Variants in SEC31B observed in about 807,000 individuals in gnomAD.
SEC31B encodes protein transport protein Sec31B.
In SEC31B, 113 loss-of-function variants were observed where a neutral mutation model predicts 135.0. That is an observed-to-expected ratio of 0.84 (90% CI 0.72 to 0.98). The LOEUF (loss-of-function observed/expected upper bound fraction) is 0.98, where lower values mean the gene tolerates loss of function less well. Among genes scored for constraint, SEC31B ranks in the 50% least tolerant of loss-of-function variants. The probability of loss-of-function intolerance (pLI) is 0.00; values close to 1 mark genes in which losing one functional copy is unlikely to be tolerated. For synonymous variants in SEC31B, 508 were observed against 549.4 expected, an observed-to-expected ratio of 0.92 and a Z score of 1.05; for missense variants, 1,296 against 1,421.1, an observed-to-expected ratio of 0.91 and a Z score of 1.42.
intron 3 of SEC31B, among the ~76,000 whole-genome samples, chr10:100,513,529 C>T (rs1851771709): frequency 6.6e-6 from 1 of 151,898 alleles, no homozygotes; most frequent in Admixed American, 6.6e-5. Flanking sequence ...TGCAGTGGTA[C>T]CATCTTGTTG....
rs369775036 is a variant in SEC31B at position 100,490,127 on chromosome 10, C to T, written c.2846G>A (p.Arg949His). 1.3e-5 allele frequency: 20 copies of T among 1,588,998 alleles called. No homozygotes were observed. The highest frequency in any genetic ancestry group is 1.8e-5 in the Admixed American group (1 of 56,448). Reference sequence around the variant, plus strand: ...AGGGGCTGGGGTGTGGGAGACCATGCGGCCGGGACCTAGTGGTCTCAGAGG... The same window carrying T: ...AGGGGCTGGGGTGTGGGAGACCATGTGGCCGGGACCTAGTGGTCTCAGAGG... Reference protein sequence around the residue: ...LLPLRPLGPGRMVSHTPAPPA... With the variant: ...LLPLRPLGPGHMVSHTPAPPA... Residue 949 changes from arginine (R) to histidine (H), a missense_variant, in exon 21 of 26, where the codon CGC becomes CAC. Coordinates refer to ENST00000370345, the MANE Select transcript of SEC31B (RefSeq NM_015490.4).
intron 19 of SEC31B, among the ~76,000 whole-genome samples, chr10:100,492,705 G>A (rs1851323334): frequency 6.6e-6 from 1 of 152,040 alleles, no homozygotes; most frequent in Non-Finnish European, 1.5e-5. Flanking sequence ...AACTATTCAG[G>A]AAAGTCACAG....
At chr10:100,494,239 A>G (rs1851361394) in intron 19 of SEC31B, among the ~76,000 whole-genome samples, 1 of 151,956 alleles carries the variant, frequency 6.6e-6, no homozygotes, top group South Asian at 2.1e-4. Context: ...AACCACACAC[A>G]CACCTCTCCA....
At position 100,516,804 on chromosome 10, in the gene SEC31B, A is replaced by C. The variant is rs188118467; in HGVS notation, c.79+70T>G. 7.8e-6 allele frequency: 9 copies of C among 1,152,508 alleles called. No individual in the cohort carries two copies. In the Admixed American group the frequency reaches 1.6e-4, roughly 21 times the overall value. The allele number at this position is 1,152,508 out of a possible 1,614,324, so 71.4% of individuals were successfully genotyped here. On this transcript the variant is annotated intron_variant, in intron 2 of 25. Coordinates refer to ENST00000370345, the MANE Select transcript of SEC31B (RefSeq NM_015490.4). ...GAGCTTTCTCTGATGTTCAATAAAT[A>C]ATTCTAGATACTAAGTTTCCCCTCA...
rs376305013 is a variant in SEC31B at position 100,509,511 on chromosome 10, C to T, written c.204G>A (p.Arg68=). 1.8e-5 allele frequency: 29 copies of T among 1,606,550 alleles called. No individual in the cohort carries two copies. The African/African-American group carries it at 2.8e-4, about 16-fold the overall frequency. ...KHRGVLSALS[R]FHKLVWGSFG... is the part of the protein sequence containing the mutation. ...AGCTCCCCCAGACCAGCTTGTGAAA[C>T]CTATAAAGAGGAGGAACTGGCATCA... Residue 68 remains arginine, a splice_region_variant and synonymous_variant, in exon 4 of 26, where the codon AGG becomes AGA. Coordinates refer to ENST00000370345, the MANE Select transcript of SEC31B (RefSeq NM_015490.4).
At chr10:100,496,530 A>G (rs1286659737) in intron 17 of SEC31B, 99 bp from the exon 18 acceptor site, 1 of 1,290,210 alleles carries the variant, frequency 7.8e-7, no homozygotes, top group Non-Finnish European at 1.1e-6. Flanking sequence ...ATGGGTACAG[A>G]TGAGGGCACC....
intron 19 of SEC31B, among the ~76,000 whole-genome samples, chr10:100,494,447 A>G (rs1453826753): frequency 6.6e-6 from 1 of 152,196 alleles, no homozygotes; most frequent in African/African-American, 2.4e-5. Context: ...TGTCAAGTTT[A>G]AGTTCTTTAG....
chr10:100,500,400 C>T (rs1451896416), intron 11 of SEC31B, among the ~76,000 whole-genome samples: 1 of 152,080 alleles, frequency 6.6e-6, no homozygotes, highest in East Asian at 1.9e-4. Flanking sequence ...CTGCAACCTC[C>T]ACCCTCAGGG....
Position 100,495,443 on chromosome 10 carries a change from G to A in SEC31B, c.2414C>T (p.Ala805Val), listed in dbSNP as rs149324305. The A allele has an allele frequency of 8.3e-5, 134 of 1,613,864 alleles. No individual in the cohort carries two copies. The highest frequency in any genetic ancestry group is 1.0e-4 in the Non-Finnish European group (123 of 1,179,932). ...PFPFPRIVVG[A>V]TLHSKETSSY... is the part of the protein sequence containing the mutation. ...TGATGTCTCTTTAGAGTGGAGGGTA[G>A]CTCCCACAACAATCCGGGGGAAGGG... is the stretch of plus-strand genomic sequence containing the variant. Residue 805 changes from alanine (A) to valine (V), a missense_variant, in exon 19 of 26, where the codon GCT becomes GTT. Coordinates refer to ENST00000370345, the MANE Select transcript of SEC31B (RefSeq NM_015490.4).
rs752040681 is a variant in SEC31B, at chr10:100,516,200, T to A, written c.99A>T (p.Leu33=). 1.3e-5 allele frequency: 21 copies of A among 1,613,772 alleles called. No individual in the cohort carries two copies. The East Asian group carries it at 4.7e-4, about 36-fold the overall frequency. ...YLATGTSAQQ[L]DSSFSTNGTL... is the part of the protein sequence containing the mutation. ...TGCCATTTGTGCTGAAGGAGGAATCTAGCTGTTGGGCAGATGTTCCTAGGC... is the reference window on the plus strand; with the variant it reads ...TGCCATTTGTGCTGAAGGAGGAATCAAGCTGTTGGGCAGATGTTCCTAGGC... The change falls in exon 3 of 26, where the codon CTA becomes CTT. Residue 33 remains leucine, a synonymous_variant. Coordinates refer to ENST00000370345, the MANE Select transcript of SEC31B (RefSeq NM_015490.4).
Position 100,487,175 on chromosome 10 carries a change from G to GTGT in SEC31B, c.*440_*441insACA. 1.1e-5 allele frequency: 2 copies of GTGT among 182,526 alleles called. No individual in the cohort carries two copies. Among genetic ancestry groups the GTGT allele is most frequent in the Non-Finnish European group, 2.3e-5 (2 of 87,360 alleles). The allele number at this position is 182,526 out of a possible 1,614,324, so 11.3% of individuals were successfully genotyped here. Reference sequence around the variant, plus strand: ...ATACGGACCTGGAAATACCAAGTCAGAGGCAGGGAAAAGGTAAGGGCAGGC... The same window carrying GTGT: ...ATACGGACCTGGAAATACCAAGTCAGTGTAGGCAGGGAAAAGGTAAGGGCAGGC... On this transcript the variant is annotated 3_prime_UTR_variant, in exon 26 of 26. Coordinates refer to ENST00000370345, the MANE Select transcript of SEC31B (RefSeq NM_015490.4).
intron 10 of SEC31B, 134 bp from the exon 11 acceptor site, chr10:100,502,618 G>T: frequency 1.6e-6 from 1 of 629,506 alleles, no homozygotes; most frequent in Non-Finnish European, 2.7e-6. Context: ...AGTTCCTGGG[G>T]GGTGGAATAG....
intron 23 of SEC31B, 62 bp downstream of exon 23, chr10:100,489,190 G>T: frequency 6.5e-7 from 1 of 1,532,412 alleles, no homozygotes; most frequent in South Asian, 1.3e-5. Flanking sequence ...CATCTACCAT[G>T]ACCTGCACCC....
At chr10:100,512,471 C>CAATAAATAGATAAAT (rs1851754104) in intron 3 of SEC31B, among the ~76,000 whole-genome samples, 1 of 152,230 alleles carries the variant, frequency 6.6e-6, no homozygotes, top group East Asian at 1.9e-4. Flanking sequence ...TGACTGCATC[C>CAATAAATAGATAAAT]AGAGGCATTT....
In SEC31B at chr10:100,487,695, C is replaced by T. The variant is rs2133664896; in HGVS notation, c.3461G>A (p.Cys1154Tyr). 1.2e-6 allele frequency: 2 copies of T among 1,613,938 alleles called. No individual in the cohort carries two copies. The highest frequency in any genetic ancestry group is 1.1e-5 in the South Asian group (1 of 91,010). ...GLAVHAQVAGCSSFSEVSSFM... is the reference protein window; with the variant it reads ...GLAVHAQVAGYSSFSEVSSFM... ...GCTGGACACCTCGCTGAAGCTGCTA[C>T]AGCCCGCCACCTGGGCATGCACTGC... Residue 1154 changes from cysteine (C) to tyrosine (Y), a missense_variant, in exon 26 of 26, where the codon TGT becomes TAT. Coordinates refer to ENST00000370345, the MANE Select transcript of SEC31B (RefSeq NM_015490.4).
Position 100,487,915 on chromosome 10 carries a change from G to A in SEC31B, c.3360+112C>T, listed in dbSNP as rs1251249957. The A allele has an allele frequency of 2.7e-6, 4 of 1,506,682 alleles. No individual in the cohort carries two copies. In the African/African-American group the frequency reaches 4.1e-5, roughly 16 times the overall value. The allele number at this position is 1,506,682 out of a possible 1,614,324, so 93.3% of individuals were successfully genotyped here. A position where few individuals can be genotyped will look rare whatever the true frequency, so the allele number is the denominator to read the frequency against. On this transcript the variant is annotated intron_variant, in intron 25 of 25. Coordinates refer to ENST00000370345, the MANE Select transcript of SEC31B (RefSeq NM_015490.4). ...AGTCCAGGCAAGATGCACGTATTTT[G>A]TGGGGAACCCAGGTCAGTGACACCT...
chr10:100,488,080 C>A lies in SEC31B; in HGVS notation c.3307G>T (p.Glu1103Ter), dbSNP rs113848933. 1.6e-4 allele frequency: 259 copies of A among 1,614,092 alleles called. 1 individual carries two copies. In the African/African-American group the frequency reaches 3.2e-3, roughly 20 times the overall value. The part of the protein sequence containing the change: ...ATDLKTKRKL[E>*]EAAQRLEYLY... The stretch of plus-strand genomic sequence containing the variant: ...TACTCCAGACGCTGGGCTGCCTCTT[C>A]CAGCTTCCTTTTTGTCTTCTGCAGG... Residue 1103 changes from glutamate to a stop codon, truncating the protein, a stop_gained, in exon 25 of 26, where the codon GAA becomes TAA. Transcript: ENST00000370345. LOFTEE classifies it high-confidence loss of function.
chr10:100,510,993 G>T (rs1229238608), intron 3 of SEC31B, among the ~76,000 whole-genome samples: 11 of 152,302 alleles, frequency 7.2e-5, no homozygotes, highest in Admixed American at 6.5e-4. Flanking sequence ...CCAGCGGAGG[G>T]TATGTGCAGT....
At chr10:100,491,244 A>G (rs1851295351) in intron 19 of SEC31B, among the ~76,000 whole-genome samples, 1 of 152,232 alleles carries the variant, frequency 6.6e-6, no homozygotes, top group Non-Finnish European at 1.5e-5. Context: ...TCCTATAACC[A>G]TTAAAGAAAT....
Sources: gnomAD v4.1 joint callset for allele counts (sites outside exome capture counted in the v4.1 genomes callset) on GRCh38, gnomAD v4.1.1 for gene constraint, MANE v1.5 for transcripts, NCBI Gene and HGNC (gene_info 2026-07-23, HGNC 2026-07-21) for gene names.